The following UNC13B variants were observed in gnomAD, a reference collection of about 807,000 sequenced individuals.
UNC13B encodes unc-13 homolog B.
Under a neutral mutation model 211.0 loss-of-function variants are expected in UNC13B, and 144 were observed. The observed-to-expected ratio is 0.68, with a 90% CI of 0.60 to 0.78. UNC13B has a LOEUF of 0.78. Ranked by LOEUF, UNC13B falls within the 30% of genes least tolerant of loss-of-function variation. The pLI, the probability that UNC13B is intolerant of heterozygous loss-of-function variation, is 0.00. For missense variants in UNC13B, 1,777 were observed against 2,002.0 expected (o/e 0.89, Z 2.14); for synonymous variants, 709 against 725.8 (o/e 0.98, Z 0.37).
At chr9:35,221,047 G>A (rs1283008989) in intron 1 of UNC13B, among the ~76,000 whole-genome samples, 1 of 151,996 alleles carries the variant, frequency 6.6e-6, no homozygotes, top group East Asian at 1.9e-4. Context: ...TTTGCCATTT[G>A]TGTGTCTGTC....
chr9:35,301,848 G>C lies in UNC13B; in HGVS notation c.2444G>C (p.Ser815Thr). The change falls in exon 9 of 40, where the codon AGC becomes ACC. Residue 815 changes from serine to threonine, a missense_variant. Transcript: ENST00000635942. ...CTTGAGCCACTCAGAAAATCATTTAGCCAGTTTTTGCTCACTTCCCCTGAG... is the reference window on the plus strand; with the variant it reads ...CTTGAGCCACTCAGAAAATCATTTACCCAGTTTTTGCTCACTTCCCCTGAG... Reference protein sequence around the residue: ...DFLEPLRKSFSQFLLTSPETC... With the variant: ...DFLEPLRKSFTQFLLTSPETC... 1 of 398,828 alleles carries C rather than the reference G, an allele frequency of 2.5e-6. No individual in the cohort carries two copies. Among genetic ancestry groups the C allele is most frequent in the Non-Finnish European group, 4.4e-6 (1 of 225,912 alleles). The allele number at this position is 398,828 out of a possible 1,614,324, so 24.7% of individuals were successfully genotyped here.
At chr9:35,202,486 G>A (rs755100117) in intron 1 of UNC13B, among the ~76,000 whole-genome samples, 9 of 152,134 alleles carry the variant, frequency 5.9e-5, no homozygotes, top group Admixed American at 5.9e-4. Flanking sequence ...AGGAGTCTAA[G>A]TCTCTTTGTA....
chr9:35,335,937 C>T (rs1452637239), intron 11 of UNC13B, among the ~76,000 whole-genome samples: 1 of 152,090 alleles, frequency 6.6e-6, no homozygotes, highest in African/African-American at 2.4e-5. Flanking sequence ...GAACTCCTGG[C>T]CTCAGTCCTT....
chr9:35,219,408 C>A (rs999699594), intron 1 of UNC13B, among the ~76,000 whole-genome samples: 2 of 151,920 alleles, frequency 1.3e-5, no homozygotes, highest in African/African-American at 2.4e-5. Flanking sequence ...TATTAAACAG[C>A]GAGGTATAGA....
intron 1 of UNC13B, among the ~76,000 whole-genome samples, chr9:35,176,662 G>T (rs979793433): frequency 2.0e-5 from 3 of 152,118 alleles, no homozygotes; most frequent in African/African-American, 7.3e-5. Context: ...ATATAGACTA[G>T]TAGGACTACG....
chr9:35,370,364 A>G lies in UNC13B; in HGVS notation c.9508A>G (p.Arg3170Gly). The change falls in exon 13 of 40, where the codon AGA becomes GGA. Residue 3170 changes from arginine to glycine, a missense_variant. Arg to Gly is a moderately radical substitution (Grantham distance 125). Transcript: ENST00000635942. Reference protein sequence around the residue: ...YGIDSMPDLRRKKPLPLVSDL... With the variant: ...YGIDSMPDLRGKKPLPLVSDL... Reference sequence around the variant, plus strand: ...CATTGACAGCATGCCAGATTTACGCAGAAAGAAGCCACTGCCACTTGTCAG... The same window carrying G: ...CATTGACAGCATGCCAGATTTACGCGGAAAGAAGCCACTGCCACTTGTCAG... 1 of 1,614,026 alleles carries G rather than the reference A, an allele frequency of 6.2e-7. No homozygotes were observed. The highest frequency in any genetic ancestry group is 1.1e-5 in the South Asian group (1 of 91,086).
chr9:35,300,088 CAGGAAAA>C (rs1829598331), intron 8 of UNC13B, 71 bp from the exon 9 acceptor site: 1 of 397,510 alleles, frequency 2.5e-6, no homozygotes, highest in Non-Finnish European at 4.4e-6. Flanking sequence ...AGTATAAGAA[CAGGAAAA>C]AGATACCACC....
At chr9:35,162,419 G>C (rs1820830031) in intron 1 of UNC13B, 114 bp downstream of exon 1, 3 of 1,329,426 alleles carry the variant, frequency 2.3e-6, no homozygotes, top group Non-Finnish European at 3.0e-6. Flanking sequence ...TCCGTGCTTT[G>C]GGGGTCTATT....
intron 11 of UNC13B, among the ~76,000 whole-genome samples, chr9:35,349,032 C>A (rs1435192273): frequency 6.6e-6 from 1 of 152,098 alleles, no homozygotes; most frequent in Non-Finnish European, 1.5e-5. Flanking sequence ...ATTCTCTTGC[C>A]TCAGCCTCCC....
At chr9:35,205,631 G>A (rs202224902) in intron 1 of UNC13B, among the ~76,000 whole-genome samples, 1 of 152,316 alleles carries the variant, frequency 6.6e-6, no homozygotes, top group East Asian at 1.9e-4. Flanking sequence ...GACATTTTAT[G>A]TGAATGGAAT....
In UNC13B at chr9:35,382,419, T is replaced by A. The variant is rs764579886; in HGVS notation, c.10718T>A (p.Leu3573Ter). 6.2e-7 allele frequency: 1 copy of A among 1,614,176 alleles called. No homozygotes were observed. Among genetic ancestry groups the A allele is most frequent in the South Asian group, 1.1e-5 (1 of 91,078 alleles). ...CPGVPAVMST[L>*]LANINAYYAH... Reference sequence around the variant, plus strand: ...GGTGTGCCAGCAGTGATGAGCACCTTACTGGCCAACATCAACGCCTACTAT... The same window carrying A: ...GGTGTGCCAGCAGTGATGAGCACCTAACTGGCCAACATCAACGCCTACTAT... Residue 3573 changes from leucine (L) to a stop codon, truncating the protein, a stop_gained, in exon 21 of 40, where the codon TTA becomes TAA. Transcript: ENST00000635942. LOFTEE classifies it high-confidence loss of function.
Position 35,310,756 on chromosome 9 carries a change from G to A in UNC13B, c.9298G>A (p.Asp3100Asn). 1 of 1,613,816 alleles carries A rather than the reference G, an allele frequency of 6.2e-7. No individual in the cohort carries two copies. The highest frequency in any genetic ancestry group is 8.5e-7 in the Non-Finnish European group (1 of 1,179,910). ...HPPPDLVLQKDHFLGPQESFP... is the reference protein window; with the variant it reads ...HPPPDLVLQKNHFLGPQESFP... ...TCCCCCAGATCTGGTGCTGCAAAAA[G>A]ACCACTTCCTAGGTCCCCAGGAGAG... Residue 3100 changes from aspartate to asparagine, a missense_variant, in exon 10 of 40, where the codon GAC (aspartate) becomes AAC (asparagine). Physicochemically the swap from Asp to Asn is conservative, Grantham distance 23. Coordinates refer to ENST00000635942, the MANE Select transcript of UNC13B (RefSeq NM_001371189.2).
intron 4 of UNC13B, among the ~76,000 whole-genome samples, 186 bp from the exon 5 acceptor site, chr9:35,237,517 C>G (rs967396944): frequency 6.6e-6 from 1 of 152,122 alleles, no homozygotes; most frequent in Admixed American, 6.6e-5. Flanking sequence ...CTGCTCTCCC[C>G]ACCAAAGAGG....
chr9:35,317,028 A>G (rs1388253561), intron 11 of UNC13B, among the ~76,000 whole-genome samples: 1 of 152,108 alleles, frequency 6.6e-6, no homozygotes, highest in Admixed American at 6.5e-5. Flanking sequence ...TATGCTTTTC[A>G]CATTTTAATT....
rs1420813003 is a variant in UNC13B at position 35,396,576 on chromosome 9, C to T, written c.11409C>T (p.Leu3803=). Residue 3803 remains leucine, a synonymous_variant, in exon 27 of 40, where the codon CTC becomes CTT. Transcript: ENST00000635942. ...AATACGTGCGGGATCTGCCTGTCCT[C>T]CAGGGGCAGGTGCCTGAGTACCCAG... ...HNEYVRDLPV[L]QGQVPEYPAW... 2 of 1,614,064 alleles carry T rather than the reference C, an allele frequency of 1.2e-6. No individual in the cohort carries two copies. The highest frequency in any genetic ancestry group is 3.3e-5 in the Admixed American group (2 of 60,022).
chr9:35,209,536 C>G (rs1402828438), intron 1 of UNC13B, among the ~76,000 whole-genome samples: 1 of 151,876 alleles, frequency 6.6e-6, no homozygotes, highest in Non-Finnish European at 1.5e-5. Flanking sequence ...CACCACCACA[C>G]CCAGCTAATT....
intron 1 of UNC13B, among the ~76,000 whole-genome samples, chr9:35,227,301 C>T (rs1220047832): frequency 6.6e-6 from 1 of 152,168 alleles, no homozygotes; most frequent in African/African-American, 2.4e-5. Context: ...GAATGGCAGA[C>T]GTATACTCTT....
chr9:35,213,414 G>C (rs1824080638), intron 1 of UNC13B, among the ~76,000 whole-genome samples: 1 of 152,202 alleles, frequency 6.6e-6, no homozygotes, highest in Non-Finnish European at 1.5e-5. Context: ...AAATCGGCTG[G>C]CATCTTGATC....
chr9:35,310,585 C>A lies in UNC13B; in HGVS notation c.9127C>A (p.His3043Asn). Residue 3043 changes from histidine (H) to asparagine (N), a missense_variant, in exon 10 of 40, where the codon CAT becomes AAT. Coordinates refer to ENST00000635942, the MANE Select transcript of UNC13B (RefSeq NM_001371189.2). ...CGACCATCGGGAGACGGACTCGATT[C>A]ATTCTTGCCACAGCTCTCACAGCCT... ...DDDHRETDSI[H>N]SCHSSHSLSR... The A allele has an allele frequency of 6.2e-7, 1 of 1,614,050 alleles. No individual in the cohort carries two copies. Among genetic ancestry groups the A allele is most frequent in the Non-Finnish European group, 8.5e-7 (1 of 1,180,022 alleles).
Sources: allele counts gnomAD v4.1 joint callset (sites outside exome capture counted in the v4.1 genomes callset), GRCh38; gene constraint gnomAD v4.1.1; transcripts MANE v1.5; gene names NCBI Gene and HGNC (gene_info 2026-07-23, HGNC 2026-07-21).